ZNF718: variants seen among roughly 807,000 people sequenced by gnomAD.
The protein encoded by ZNF718 is zinc finger protein 718.
In ZNF718, 3 loss-of-function variants were observed where a neutral mutation model predicts 2.6. The observed-to-expected ratio is 1.16, with a 90% CI of 0.53 to 3.01. The LOEUF (loss-of-function observed/expected upper bound fraction) is 3.01, where lower values mean the gene tolerates loss of function less well. ZNF718 is among the 30% of genes most tolerant of loss of function. The probability of loss-of-function intolerance (pLI) is 0.03; values close to 1 mark genes in which losing one functional copy is unlikely to be tolerated. For missense variants in ZNF718, 468 were observed against 230.0 expected (o/e 2.03, Z -6.69); for synonymous variants, 135 against 77.9 (o/e 1.73, Z -3.86).
intron 3 of ZNF718, among the ~76,000 whole-genome samples, chr4:173,852 A>T (rs1717293922): frequency 6.6e-6 from 1 of 152,178 alleles, no homozygotes; most frequent in African/African-American, 2.4e-5. Context: ...TTTACCTAAC[A>T]GTGCAGCTAG....
chr4:139,807 A>G (rs1193351445), intron 3 of ZNF718, among the ~76,000 whole-genome samples: 1 of 152,028 alleles, frequency 6.6e-6, no homozygotes, highest in Non-Finnish European at 1.5e-5. Context: ...TTCATTTCCA[A>G]CTTGGAACAC....
chr4:161,719 G>T lies in ZNF718; in HGVS notation c.1034G>T (p.Gly345Val), dbSNP rs782056700. ...AAACCCTACAAATGTGAAGAATGTG[G>T]AAAATCCTTTAATAGGTCCACAACT... The part of the protein sequence containing the change: ...GEKPYKCEEC[G>V]KSFNRSTTLT... Residue 345 changes from glycine (G) to valine (V), a missense_variant, in exon 4 of 4, where the codon GGA becomes GTA. Transcript: ENST00000510175. 1 of 779,134 alleles carries T rather than the reference G, an allele frequency of 1.3e-6. No homozygotes were observed. Among genetic ancestry groups the T allele is most frequent in the Non-Finnish European group, 2.4e-6 (1 of 417,176 alleles). The allele number at this position is 779,134 out of a possible 1,614,324, so 48.3% of individuals were successfully genotyped here.
intron 3 of ZNF718, among the ~76,000 whole-genome samples, chr4:160,289 A>C (rs1716765194): frequency 1.3e-5 from 2 of 152,182 alleles, no homozygotes; most frequent in African/African-American, 4.8e-5. Context: ...GGGAAGGAAG[A>C]GCTGCAGTGG....
intron 3 of ZNF718, among the ~76,000 whole-genome samples, chr4:145,702 C>T (rs1282943663): frequency 6.6e-6 from 1 of 152,154 alleles, no homozygotes; most frequent in Non-Finnish European, 1.5e-5. Context: ...AAGCACTCCA[C>T]CTGCCTTGGC....
intron 3 of ZNF718, among the ~76,000 whole-genome samples, chr4:158,356 T>G (rs1241613565): frequency 2.0e-5 from 3 of 152,094 alleles, no homozygotes; most frequent in Non-Finnish European, 2.9e-5. Context: ...ATGGAAAGTT[T>G]ACTTCATAAA....
intron 3 of ZNF718, among the ~76,000 whole-genome samples, chr4:155,679 T>A (rs1354519804): frequency 1.3e-5 from 2 of 152,032 alleles, no homozygotes; most frequent in Non-Finnish European, 2.9e-5. Context: ...GGCTCATAGG[T>A]GGAAGGGACT....
chr4:158,196 C>G (rs1301903806), intron 3 of ZNF718, among the ~76,000 whole-genome samples: 1 of 151,876 alleles, frequency 6.6e-6, no homozygotes, highest in Non-Finnish European at 1.5e-5. Context: ...TAATTTTGAC[C>G]TCTTATTTGG....
At chr4:180,316 G>A (rs11731927) in intron 3 of ZNF718, among the ~76,000 whole-genome samples, 19,523 of 152,168 alleles carry the variant, frequency 0.13, 1,706 homozygotes, top group Admixed American at 0.23. Flanking sequence ...AAGAATAAAA[G>A]TGTTTTCTAG....
rs1185573809 is a variant in ZNF718 at position 177,101 on chromosome 4, TCA to T, written c.227-23979_227-23978del. On this transcript the variant is annotated intron_variant and NMD_transcript_variant, in intron 3 of 4. Transcript: ENST00000642529. The stretch of plus-strand genomic sequence containing the variant: ...CCCTTATTTACCACCTCACACCAGA[TCA>T]GCTCAGAAGTTTATCTAATTTCCTT... 3.9e-5 allele frequency among the ~76,000 whole-genome samples: 6 copies of T among 152,280 alleles called. No homozygotes were observed. The East Asian group carries it at 1.2e-3, about 29-fold the overall frequency.
chr4:137,938 T>G (rs1445486240), intron 3 of ZNF718, among the ~76,000 whole-genome samples: 1 of 152,220 alleles, frequency 6.6e-6, no homozygotes, highest in Non-Finnish European at 1.5e-5. Flanking sequence ...ATTGTAGAGT[T>G]ATGCTTCTTA....
intron 3 of ZNF718, among the ~76,000 whole-genome samples, chr4:160,198 G>A (rs1477819014): frequency 6.6e-6 from 1 of 152,212 alleles, no homozygotes; most frequent in Non-Finnish European, 1.5e-5. Flanking sequence ...AAAACCAGAA[G>A]TAGGAATGCG....
At chr4:193,931 CT>C (rs1451583195) in intron 3 of ZNF718, among the ~76,000 whole-genome samples, 1 of 152,116 alleles carries the variant, frequency 6.6e-6, no homozygotes, top group Admixed American at 6.6e-5. Flanking sequence ...TTCAGACAAT[CT>C]TTTTTAAAGT....
chr4:168,789 T>G (rs1359109370), downstream of ZNF718, among the ~76,000 whole-genome samples: 6 of 152,186 alleles, frequency 3.9e-5, no homozygotes, highest in Non-Finnish European at 8.8e-5. Flanking sequence ...TTTGTTGATC[T>G]TTTCAAAAAA....
At chr4:157,108 T>C (rs1360109115) in intron 3 of ZNF718, among the ~76,000 whole-genome samples, 21 of 90,080 alleles carry the variant, frequency 2.3e-4, no homozygotes, top group African/African-American at 7.9e-4. Flanking sequence ...TCTTTCTTTT[T>C]TTTTTTTTTT....
At chr4:164,949 C>G (rs1553816470), downstream of ZNF718, among the ~76,000 whole-genome samples, 1 of 152,078 alleles carries the variant, frequency 6.6e-6, no homozygotes, top group Non-Finnish European at 1.5e-5. Context: ...TTGAAAATAT[C>G]TGTGGTGAAG....
Position 186,716 on chromosome 4 carries a change from A to T in ZNF718, c.227-14365A>T, listed in dbSNP as rs910084595. The stretch of plus-strand genomic sequence containing the variant: ...GTCTATTGTGCTATTAATACTTGTG[A>T]TTACATTGTGAAGGTCTTGTAGTGT... On this transcript the variant is annotated intron_variant and NMD_transcript_variant, in intron 3 of 4. Transcript: ENST00000642529. Among the ~76,000 whole-genome samples, 9 of 152,198 alleles carry T rather than the reference A, an allele frequency of 5.9e-5. No homozygotes were observed. The East Asian group carries it at 1.7e-3, about 29-fold the overall frequency.
chr4:184,992 C>G (rs921150330), intron 3 of ZNF718, among the ~76,000 whole-genome samples: 2 of 152,004 alleles, frequency 1.3e-5, no homozygotes, highest in African/African-American at 2.4e-5. Flanking sequence ...TTTTGTGTCT[C>G]TATTATGTTC....
At chr4:166,217 A>G (rs1717084089), downstream of ZNF718, among the ~76,000 whole-genome samples, 1 of 152,144 alleles carries the variant, frequency 6.6e-6, no homozygotes, top group Admixed American at 6.5e-5. Context: ...TCCATGGTGT[A>G]TATGTGCCAC....
At chr4:192,635 G>A (rs1252942293) in intron 3 of ZNF718, among the ~76,000 whole-genome samples, 1 of 152,156 alleles carries the variant, frequency 6.6e-6, no homozygotes. Flanking sequence ...GGCATAGTAG[G>A]GGTCATGCAG....
Sources: allele counts gnomAD v4.1 joint callset (sites outside exome capture counted in the v4.1 genomes callset), GRCh38; gene constraint gnomAD v4.1.1; transcripts MANE v1.5; gene names NCBI Gene and HGNC (gene_info 2026-07-23, HGNC 2026-07-21).